Variants in PCDHA12 observed in about 807,000 individuals in gnomAD.
PCDHA12 encodes the protein protocadherin alpha-12.
A neutral mutation model predicts 60.0 loss-of-function variants in PCDHA12; 44 were observed. The ratio of observed to expected loss-of-function variants is 0.73; its 90% confidence interval spans 0.58 to 0.94. The LOEUF (loss-of-function observed/expected upper bound fraction) is 0.94. Among genes scored for constraint, PCDHA12 ranks in the 40% least tolerant of loss-of-function variants. PCDHA12 has a pLI of 0.00. For missense variants in PCDHA12, 1,276 were observed against 1,239.7 expected (o/e 1.03, Z -0.44); for synonymous variants, 569 against 553.0 (o/e 1.03, Z -0.40).
At chr5:140,925,236 T>C (rs1398147161) in intron 1 of PCDHA12, among the ~76,000 whole-genome samples, 1 of 152,202 alleles carries the variant, frequency 6.6e-6, no homozygotes, top group African/African-American at 2.4e-5. Context: ...TACCAGAAAA[T>C]ATGTCCTGGA....
chr5:140,875,581 G>A lies in PCDHA12; in HGVS notation c.109G>A (p.Glu37Lys), dbSNP rs1158750138. Residue 37 changes from glutamate to lysine, a missense_variant, in exon 1 of 4, where the codon GAG (glutamate) becomes AAG (lysine). Coordinates refer to ENST00000398631, the MANE Select transcript of PCDHA12 (RefSeq NM_018903.4). ...CGGCCAGCTCCACTACTCCGTCTACGAGGAGGCCAAACACGGCACCTTCGT... is the reference window on the plus strand; with the variant it reads ...CGGCCAGCTCCACTACTCCGTCTACAAGGAGGCCAAACACGGCACCTTCGT... ...GSGQLHYSVY[E>K]EAKHGTFVGR... is the part of the protein sequence containing the mutation. 11 of 1,613,944 alleles carry A rather than the reference G, an allele frequency of 6.8e-6. No individual in the cohort carries two copies. Among genetic ancestry groups the A allele is most frequent in the African/African-American group, 4.0e-5 (3 of 74,936 alleles).
intron 1 of PCDHA12, among the ~76,000 whole-genome samples, chr5:140,902,203 C>CTTTTTTTTTTTTT (rs148688132): frequency 8.0e-6 from 1 of 124,460 alleles, no homozygotes; most frequent in African/African-American, 3.1e-5. Context: ...CTCTCTCTTT[C>CTTTTTTTTTTTTT]TTTTTTTTTT....
chr5:140,879,126 G>T (rs2057860982), intron 1 of PCDHA12, among the ~76,000 whole-genome samples: 2 of 152,182 alleles, frequency 1.3e-5, no homozygotes, highest in Admixed American at 1.3e-4. Context: ...GATTAGAGCA[G>T]GGGAGATTGT....
At chr5:140,886,680 G>T (rs1554182653) in intron 1 of PCDHA12, among the ~76,000 whole-genome samples, 1 of 151,946 alleles carries the variant, frequency 6.6e-6, no homozygotes, top group Non-Finnish European at 1.5e-5. Context: ...ACAAAAATTA[G>T]CGAGGCATGG....
chr5:140,882,788 C>T, intron 1 of PCDHA12: 1 of 1,614,216 alleles, frequency 6.2e-7, no homozygotes, highest in East Asian at 2.2e-5. Context: ...CCGACTGGAT[C>T]CCAACGATTA....
At chr5:140,969,702 C>A (rs1305755991) in intron 1 of PCDHA12, among the ~76,000 whole-genome samples, 1 of 152,144 alleles carries the variant, frequency 6.6e-6, no homozygotes, top group African/African-American at 2.4e-5. Context: ...TCTGCTGTAT[C>A]ATCTACAGGG....
chr5:140,994,784 A>G (rs1245945274), intron 3 of PCDHA12, among the ~76,000 whole-genome samples: 2 of 152,202 alleles, frequency 1.3e-5, no homozygotes, highest in Non-Finnish European at 2.9e-5. Flanking sequence ...CAAAGGAAAC[A>G]ATGCGTGCAT....
intron 1 of PCDHA12, among the ~76,000 whole-genome samples, chr5:140,909,407 T>C (rs1004172644): frequency 3.3e-5 from 5 of 152,172 alleles, no homozygotes; most frequent in Non-Finnish European, 7.3e-5. Context: ...GCAATTGCAG[T>C]TACCATTTGG....
intron 1 of PCDHA12, chr5:140,968,302 G>C (rs2096236958): frequency 6.2e-7 from 1 of 1,613,812 alleles, no homozygotes; most frequent in African/African-American, 1.3e-5. Context: ...TGGAGAGGGA[G>C]ATTCAAGGGC....
chr5:140,982,779 G>A (rs1228586175), intron 3 of PCDHA12, among the ~76,000 whole-genome samples: 2 of 151,918 alleles, frequency 1.3e-5, no homozygotes, highest in African/African-American at 2.4e-5. Context: ...GAAAGTGTGT[G>A]TGCACGCATG....
chr5:140,882,054 C>T, intron 1 of PCDHA12: 1 of 781,668 alleles, frequency 1.3e-6, no homozygotes. Context: ...CATACTTACA[C>T]TTACACGTTC....
rs1350324855 is a variant in PCDHA12, at chr5:140,877,194, A to G, written c.1722A>G (p.Gly574=). Residue 574 remains glycine (G), a synonymous_variant, in exon 1 of 4, where the codon GGA becomes GGG. Coordinates refer to ENST00000398631, the MANE Select transcript of PCDHA12 (RefSeq NM_018903.4). Reference sequence around the variant, plus strand: ...TGGCGACTCCGGCTGGCAGCGCAGGAGGCGCAGTTAGCGAGTTGGTACCGC... The same window carrying G: ...TGGCGACTCCGGCTGGCAGCGCAGGGGGCGCAGTTAGCGAGTTGGTACCGC... The part of the protein sequence containing the change: ...ALLATPAGSA[G]GAVSELVPRS... 2 of 1,613,646 alleles carry G rather than the reference A, an allele frequency of 1.2e-6. No homozygotes were observed. The highest frequency in any genetic ancestry group is 1.7e-6 in the Non-Finnish European group (2 of 1,179,810).
Position 140,956,280 on chromosome 5 carries a change from G to A in PCDHA12, c.2368-22669G>A, listed in dbSNP as rs554735108. On this transcript the variant is annotated intron_variant, in intron 1 of 3. Coordinates refer to ENST00000398631, the MANE Select transcript of PCDHA12 (RefSeq NM_018903.4). ...GCCCATTCAGTGTGGTATTGGCTGT[G>A]GGTTTATCATATATATGGCTCTTAT... Among the ~76,000 whole-genome samples, 16 of 152,206 alleles carry A rather than the reference G, an allele frequency of 1.1e-4. No individual in the cohort carries two copies. In the South Asian group the frequency reaches 3.3e-3, roughly 32 times the overall value.
intron 1 of PCDHA12, among the ~76,000 whole-genome samples, chr5:140,960,693 T>C (rs2095562408): frequency 6.6e-6 from 1 of 152,136 alleles, no homozygotes; most frequent in Non-Finnish European, 1.5e-5. Flanking sequence ...AATGAGGGTG[T>C]TCTTTAGTGC....
intron 3 of PCDHA12, among the ~76,000 whole-genome samples, chr5:140,983,431 G>T (rs947907651): frequency 5.3e-5 from 8 of 152,198 alleles, no homozygotes; most frequent in African/African-American, 1.9e-4. Flanking sequence ...ACCACAAATT[G>T]TGTCTACTCT....
intron 1 of PCDHA12, among the ~76,000 whole-genome samples, chr5:140,901,870 TTTC>T (rs2068953949): frequency 6.6e-6 from 1 of 152,202 alleles, no homozygotes. Flanking sequence ...TCCTCTTCAA[TTTC>T]TTTCATCAGC....
rs150829264 is a variant in PCDHA12 at position 140,948,791 on chromosome 5, A to G, written c.2368-30158A>G. 2.3e-3 allele frequency among the ~76,000 whole-genome samples: 342 copies of G among 151,342 alleles called. 1 individual carries two copies. Among genetic ancestry groups the G allele is most frequent in the Non-Finnish European group, 4.4e-3 (295 of 67,454 alleles). ...ATAGCCAGCTTTTGGCTTTGTTGAT[A>G]TATTTTCTATTGTTTGGTTTCTATT... On this transcript the variant is annotated intron_variant, in intron 1 of 3. Coordinates refer to ENST00000398631, the MANE Select transcript of PCDHA12 (RefSeq NM_018903.4).
chr5:140,883,834 G>T (rs891069385), intron 1 of PCDHA12: 3 of 1,612,540 alleles, frequency 1.9e-6, no homozygotes, highest in Non-Finnish European at 2.5e-6. Context: ...CGCTGCAGCC[G>T]TTGGACCACG....
At chr5:140,993,831 T>C (rs2097584101) in intron 3 of PCDHA12, among the ~76,000 whole-genome samples, 1 of 152,190 alleles carries the variant, frequency 6.6e-6, no homozygotes, top group South Asian at 2.1e-4. Flanking sequence ...CTATACCATA[T>C]AGCCTAGGTA....
Sources: allele counts gnomAD v4.1 joint callset (sites outside exome capture counted in the v4.1 genomes callset), GRCh38; gene constraint gnomAD v4.1.1; transcripts MANE v1.5; gene names NCBI Gene and HGNC (gene_info 2026-07-23, HGNC 2026-07-21).